The following NMNAT1 variants were observed in gnomAD, a reference collection of about 807,000 sequenced individuals.
NMNAT1 encodes nicotinamide nucleotide adenylyltransferase 1, also known as nicotinamide/nicotinic acid mononucleotide adenylyltransferase 1.
In NMNAT1, 11 loss-of-function variants were observed where a neutral mutation model predicts 16.7. The ratio of observed to expected loss-of-function variants is 0.66; its 90% confidence interval spans 0.41 to 1.09. The LOEUF (loss-of-function observed/expected upper bound fraction) is 1.09, where lower values mean the gene tolerates loss of function less well. Ranked by LOEUF, NMNAT1 falls within the 50% of genes least tolerant of loss-of-function variation. NMNAT1 has a pLI of 0.00. For synonymous variants in NMNAT1, 110 were observed against 119.8 expected, an observed-to-expected ratio of 0.92 and a Z score of 0.53; for missense variants, 280 against 332.3, an observed-to-expected ratio of 0.84 and a Z score of 1.22.
intron 1 of NMNAT1, among the ~76,000 whole-genome samples, chr1:9,965,565 G>A (rs543185859): frequency 1.4e-4 from 21 of 151,598 alleles, no homozygotes; most frequent in South Asian, 1.0e-3. Flanking sequence ...CACCACACTC[G>A]CTAATTTTTG....
downstream of NMNAT1, among the ~76,000 whole-genome samples, chr1:9,987,512 T>C (rs1314423659): frequency 2.0e-5 from 3 of 149,148 alleles, no homozygotes; most frequent in Non-Finnish European, 3.0e-5. Flanking sequence ...AGGTGGCGGG[T>C]GCCTATAGTC....
chr1:9,973,508 C>T (rs950705611), intron 2 of NMNAT1, among the ~76,000 whole-genome samples: 2 of 149,310 alleles, frequency 1.3e-5, no homozygotes, highest in African/African-American at 4.9e-5. Context: ...GAGATTGAGA[C>T]CATCCTGGCT....
chr1:9,959,902 G>A (rs148924010), intron 1 of NMNAT1, among the ~76,000 whole-genome samples: 173 of 152,230 alleles, frequency 1.1e-3, no homozygotes, highest in African/African-American at 3.5e-3. Context: ...ACCCCCAAGA[G>A]TATTTAATGG....
chr1:9,952,048 C>G lies in NMNAT1; in HGVS notation c.-57+8533C>G, dbSNP rs1319669646. ...TGTTTATGGCTCACGCCTGTAATCC[C>G]AGCACTTTGGGAGGCCGAGGTGGGT... On this transcript the variant is annotated intron_variant, in intron 1 of 4. Coordinates refer to ENST00000377205, the MANE Select transcript of NMNAT1 (RefSeq NM_022787.4). Among the ~76,000 whole-genome samples the G allele has an allele frequency of 3.3e-5, 5 of 152,194 alleles. No individual in the cohort carries two copies. The East Asian group carries it at 9.7e-4, about 29-fold the overall frequency.
At chr1:9,948,133 G>A (rs12064822) in intron 1 of NMNAT1, among the ~76,000 whole-genome samples, 13,219 of 152,164 alleles carry the variant, frequency 0.087, 802 homozygotes, top group East Asian at 0.21. Context: ...TCAAGGGATA[G>A]TGGGTATATA....
chr1:9,971,747 G>A (rs1641692370), intron 1 of NMNAT1, among the ~76,000 whole-genome samples: 1 of 152,118 alleles, frequency 6.6e-6, no homozygotes, highest in Admixed American at 6.6e-5. Flanking sequence ...AGGGTTGCTT[G>A]AGACCAGTAG....
chr1:9,943,020 G>T (rs1640837832), upstream of NMNAT1: 1 of 325,968 alleles, frequency 3.1e-6, no homozygotes, highest in Admixed American at 3.8e-5. Context: ...CAGAGGCTTG[G>T]AAAAGGTAAG....
At chr1:9,978,778 TA>T (rs1641870466) in intron 3 of NMNAT1, among the ~76,000 whole-genome samples, 1 of 152,196 alleles carries the variant, frequency 6.6e-6, no homozygotes, top group Non-Finnish European at 1.5e-5. Context: ...TAGTTGATGT[TA>T]TTTGGGTAAC....
At chr1:9,942,980 C>CG, upstream of NMNAT1, 1 of 350,798 alleles carries the variant, frequency 2.9e-6, no homozygotes, top group Non-Finnish European at 5.6e-6. Flanking sequence ...ATCCCGCATC[C>CG]GGACACGCCT....
At chr1:9,992,770 G>T in the NMNAT1 span, among the ~76,000 whole-genome samples, 1 of 152,102 alleles carries the variant, frequency 6.6e-6, no homozygotes, top group Non-Finnish European at 1.5e-5. Context: ...AAATTAGCTG[G>T]GTGTGGTGGC....
In NMNAT1 at chr1:9,971,890, A is replaced by G. The variant is rs1641696855; in HGVS notation, c.-56-128A>G. The G allele has an allele frequency of 5.6e-6, 3 of 535,540 alleles. No homozygotes were observed. The South Asian group carries it at 6.2e-5, about 11-fold the overall frequency. The allele number at this position is 535,540 out of a possible 1,614,324, so 33.2% of individuals were successfully genotyped here. On this transcript the variant is annotated intron_variant, in intron 1 of 4. Transcript: ENST00000377205. Reference sequence around the variant, plus strand: ...GAGGCTGAGGTGGGAGCATCACTTGAGCCCAGAAGTTTGAGGGTGCAGTCA... The same window carrying G: ...GAGGCTGAGGTGGGAGCATCACTTGGGCCCAGAAGTTTGAGGGTGCAGTCA...
At chr1:9,962,842 C>A (rs529553158) in intron 1 of NMNAT1, among the ~76,000 whole-genome samples, 1 of 151,924 alleles carries the variant, frequency 6.6e-6, no homozygotes, top group South Asian at 2.1e-4. Flanking sequence ...CCAACACACC[C>A]GGCTAATTTT....
At chr1:9,948,894 C>T (rs1316417218) in intron 1 of NMNAT1, among the ~76,000 whole-genome samples, 21 of 151,528 alleles carry the variant, frequency 1.4e-4, no homozygotes, top group Admixed American at 1.4e-3. Flanking sequence ...GTGATTCACC[C>T]ACCTGGCCTC....
At chr1:9,979,594 A>T (rs1641891596) in intron 3 of NMNAT1, among the ~76,000 whole-genome samples, 1 of 152,070 alleles carries the variant, frequency 6.6e-6, no homozygotes, top group African/African-American at 2.4e-5. Flanking sequence ...AGGTCAGGAG[A>T]TCGAGACCAT....
the NMNAT1 span, among the ~76,000 whole-genome samples, chr1:9,992,551 G>C: frequency 6.6e-6 from 1 of 152,102 alleles, no homozygotes; most frequent in Admixed American, 6.6e-5. Flanking sequence ...CCAATCCTAA[G>C]AGGATGAGCA....
At position 9,978,081 on chromosome 1, in the gene NMNAT1, G is replaced by A. The variant is rs112929514; in HGVS notation, c.299+2306G>A. ...TAGCGCAATAATAGGATCAGGCCGG[G>A]CATGGTGGCTCACACCTGTAATCCC... On this transcript the variant is annotated intron_variant, in intron 3 of 4. Transcript: ENST00000377205. Among the ~76,000 whole-genome samples the A allele has an allele frequency of 7.4e-3, 1,123 of 152,234 alleles. 16 individuals carry two copies. The highest frequency in any genetic ancestry group is 0.026 in the African/African-American group (1,084 of 41,544).
intron 3 of NMNAT1, among the ~76,000 whole-genome samples, chr1:9,977,401 T>G (rs972138988): frequency 6.6e-6 from 1 of 152,082 alleles, no homozygotes; most frequent in Non-Finnish European, 1.5e-5. Context: ...TGTTGTTATC[T>G]TGAGTTTAAA....
chr1:9,993,206 C>T, the NMNAT1 span, among the ~76,000 whole-genome samples: 4 of 151,780 alleles, frequency 2.6e-5, no homozygotes, highest in South Asian at 4.2e-4. Flanking sequence ...AGGCCAGGAG[C>T]GGTGGCTCGC....
intron 1 of NMNAT1, among the ~76,000 whole-genome samples, chr1:9,962,178 C>G (rs773251211): frequency 3.9e-5 from 6 of 152,074 alleles, no homozygotes; most frequent in Non-Finnish European, 8.8e-5. Context: ...AGTAACATCA[C>G]TTTCCTCAAA....
Sources: gnomAD v4.1 joint callset for allele counts (sites outside exome capture counted in the v4.1 genomes callset) on GRCh38, gnomAD v4.1.1 for gene constraint, MANE v1.5 for transcripts, NCBI Gene and HGNC (gene_info 2026-07-23, HGNC 2026-07-21) for gene names.